The following EYS variants were observed in gnomAD, a reference collection of about 807,000 sequenced individuals.
EYS encodes protein eyes shut homolog.
A neutral mutation model predicts 282.1 loss-of-function variants in EYS; 250 were observed. That is an observed-to-expected ratio of 0.89 (90% confidence interval 0.80 to 0.98). The LOEUF is 0.98. EYS is among the 50% of genes least tolerant of loss of function. The pLI is 0.00. For missense variants in EYS, 4,016 were observed against 3,709.0 expected (o/e 1.08, Z -2.15); for synonymous variants, 1,355 against 1,282.9 (o/e 1.06, Z -1.20).
intron 31 of EYS, among the ~76,000 whole-genome samples, chr6:64,218,509 C>T (rs1177711067): frequency 6.6e-6 from 1 of 152,114 alleles, no homozygotes; most frequent in Non-Finnish European, 1.5e-5. Context: ...CACTGACCAA[C>T]CCTTAGTAAT....
At chr6:64,667,519 T>G in intron 22 of EYS, among the ~76,000 whole-genome samples, 1 of 152,034 alleles carries the variant, frequency 6.6e-6, no homozygotes, top group South Asian at 2.1e-4. Flanking sequence ...ATGACTTTTT[T>G]TTTTGCTATT....
At chr6:64,417,026 T>C (rs984737425) in intron 28 of EYS, among the ~76,000 whole-genome samples, 2 of 152,268 alleles carry the variant, frequency 1.3e-5, no homozygotes, top group Middle Eastern at 3.4e-3. Flanking sequence ...CAAGAACTCA[T>C]TCTTTTCAAG....
At chr6:65,517,480 C>A (rs980510464) in intron 2 of EYS, among the ~76,000 whole-genome samples, 1 of 151,836 alleles carries the variant, frequency 6.6e-6, no homozygotes, top group South Asian at 2.1e-4. Flanking sequence ...AATAAAATTA[C>A]GGTTGAAGCA....
At chr6:65,140,124 G>A (rs772630832) in intron 12 of EYS, among the ~76,000 whole-genome samples, 6 of 151,854 alleles carry the variant, frequency 4.0e-5, no homozygotes, top group African/African-American at 7.3e-5. Flanking sequence ...ATCCTTCAAC[G>A]AGCAATTATA....
intron 36 of EYS, among the ~76,000 whole-genome samples, chr6:63,826,630 A>T (rs999773791): frequency 6.6e-6 from 1 of 152,196 alleles, no homozygotes; most frequent in Non-Finnish European, 1.5e-5. Context: ...AGAATTTTGT[A>T]TCCAGTGAAA....
intron 29 of EYS, among the ~76,000 whole-genome samples, chr6:64,366,051 T>C (rs1333005755): frequency 6.6e-6 from 1 of 152,064 alleles, no homozygotes; most frequent in Non-Finnish European, 1.5e-5. Flanking sequence ...TGGTTAATAT[T>C]TTAAGGTTTT....
chr6:64,280,684 C>T (rs1768275706), intron 30 of EYS, among the ~76,000 whole-genome samples: 1 of 152,164 alleles, frequency 6.6e-6, no homozygotes, highest in African/African-American at 2.4e-5. Flanking sequence ...AGAAATGGAG[C>T]CTGTGAACTT....
At chr6:64,444,083 G>T (rs1240714795) in intron 26 of EYS, among the ~76,000 whole-genome samples, 2 of 149,226 alleles carry the variant, frequency 1.3e-5, no homozygotes, top group African/African-American at 2.4e-5. Flanking sequence ...CAATGCTCCT[G>T]CTTATTCCTC....
intron 35 of EYS, among the ~76,000 whole-genome samples, chr6:63,961,544 C>T (rs1766061697): frequency 6.6e-6 from 1 of 152,116 alleles, no homozygotes; most frequent in South Asian, 2.1e-4. Context: ...TCAGACTCAG[C>T]CCGCCTGCAC....
chr6:64,663,246 G>C (rs1444995289), intron 22 of EYS, among the ~76,000 whole-genome samples: 1 of 152,202 alleles, frequency 6.6e-6, no homozygotes, highest in Admixed American at 6.5e-5. Context: ...ATATTCTGAC[G>C]AAATATACCA....
In EYS at chr6:64,314,194, CAAAAAAAAAAAAA is replaced by C. The variant is rs138447983; in HGVS notation, c.6079-7125_6079-7113del. On this transcript the variant is annotated intron_variant, in intron 29 of 42. Coordinates refer to ENST00000503581, the MANE Select transcript of EYS (RefSeq NM_001142800.2). ...GAAGATTTACTAAACAAATGGAAAG[CAAAAAAAAAAAAA>C]AAAAAAAAAAAGCAGGGGTTGCAAT... 8.7e-4 allele frequency among the ~76,000 whole-genome samples: 24 copies of C among 27,676 alleles called. 1 individual carries two copies. The highest frequency in any genetic ancestry group is 3.7e-3 in the African/African-American group (24 of 6,472). 18.2% of individuals were successfully genotyped at this position (27,676 alleles called of 152,430 possible).
intron 36 of EYS, among the ~76,000 whole-genome samples, chr6:63,814,675 A>G (rs1771133032): frequency 6.6e-6 from 1 of 152,214 alleles, no homozygotes. Context: ...AATTAGTGCC[A>G]TCTTCTGGCT....
intron 8 of EYS, among the ~76,000 whole-genome samples, chr6:65,383,572 C>CA (rs1378963804): frequency 6.7e-6 from 1 of 150,320 alleles, no homozygotes; most frequent in South Asian, 2.1e-4. Context: ...TCTTATTTCT[C>CA]AAAAAAATTA....
intron 22 of EYS, among the ~76,000 whole-genome samples, chr6:64,636,385 A>G (rs957882500): frequency 6.6e-5 from 10 of 152,244 alleles, no homozygotes; most frequent in African/African-American, 2.4e-4. Flanking sequence ...CTGGCTAGCC[A>G]TATGTAGAAA....
chr6:64,795,235 CA>C (rs112160251), intron 22 of EYS, among the ~76,000 whole-genome samples: 74,041 of 136,580 alleles, frequency 0.54, 19,034 homozygotes, highest in Admixed American at 0.65. Context: ...AACTCCGTCT[CA>C]AAAAAAAAAA....
At chr6:64,925,208 C>T (rs1768476561) in intron 15 of EYS, among the ~76,000 whole-genome samples, 1 of 152,140 alleles carries the variant, frequency 6.6e-6, no homozygotes, top group South Asian at 2.1e-4. Flanking sequence ...AGCGAAAACC[C>T]CTGGTAAACC....
chr6:65,043,473 A>T (rs896749418), intron 13 of EYS, among the ~76,000 whole-genome samples: 1 of 151,484 alleles, frequency 6.6e-6, no homozygotes, highest in Admixed American at 6.6e-5. Flanking sequence ...TTACACTGCT[A>T]TGTAATAGAT....
chr6:63,734,792 T>C (rs1768868301), intron 41 of EYS, among the ~76,000 whole-genome samples: 1 of 152,118 alleles, frequency 6.6e-6, no homozygotes, highest in South Asian at 2.1e-4. Flanking sequence ...GTTTTTAAGA[T>C]GTTCAAGGTG....
intron 5 of EYS, among the ~76,000 whole-genome samples, chr6:65,475,778 C>CAG (rs1554200623): frequency 1.3e-5 from 2 of 151,192 alleles, no homozygotes; most frequent in Admixed American, 6.6e-5. Flanking sequence ...CACACACACA[C>CAG]AGAGACAGAG....
Sources: allele counts gnomAD v4.1 joint callset (sites outside exome capture counted in the v4.1 genomes callset), GRCh38; gene constraint gnomAD v4.1.1; transcripts MANE v1.5; gene names NCBI Gene and HGNC (gene_info 2026-07-23, HGNC 2026-07-21).